BACH2: variants seen among roughly 807,000 people sequenced by gnomAD.
BACH2 encodes the protein BACH transcriptional regulator 2, also known as transcription regulator protein BACH2.
A neutral mutation model predicts 61.8 loss-of-function variants in BACH2; 5 were observed. The observed-to-expected ratio is 0.08, with a 90% CI of 0.04 to 0.17. The LOEUF is 0.17. Ranked by LOEUF, BACH2 falls within the 10% of genes least tolerant of loss-of-function variation. The pLI, the probability that BACH2 is intolerant of heterozygous loss-of-function variation, is 1.00. For synonymous variants in BACH2, 446 were observed against 440.1 expected, an observed-to-expected ratio of 1.01 and a Z score of -0.17; for missense variants, 824 against 1,091.1, an observed-to-expected ratio of 0.76 and a Z score of 3.45.
intron 5 of BACH2, among the ~76,000 whole-genome samples, chr6:90,029,837 T>A (rs1252066236): frequency 3.3e-5 from 5 of 152,092 alleles, no homozygotes; most frequent in Admixed American, 3.3e-4. Flanking sequence ...CACAGAAAAC[T>A]TACTCCATTC....
intron 5 of BACH2, among the ~76,000 whole-genome samples, chr6:90,066,427 G>C (rs558128221): frequency 1.1e-4 from 16 of 152,134 alleles, no homozygotes; most frequent in Non-Finnish European, 1.9e-4. Flanking sequence ...TATGTTACTG[G>C]AATATGTGAC....
chr6:90,289,332 C>T lies in BACH2; in HGVS notation c.-446+7148G>A, dbSNP rs144853941. 4.0e-3 allele frequency among the ~76,000 whole-genome samples: 612 copies of T among 152,264 alleles called. 4 individuals are homozygous for T. Among genetic ancestry groups the T allele is most frequent in the African/African-American group, 0.013 (557 of 41,542 alleles). ...CATTAGCTGAGCGACACCTATGCTG[C>T]GGCTTCTAGTGATCACACCTAGCCC... On this transcript the variant is annotated intron_variant, in intron 1 of 8. Transcript: ENST00000257749.
intron 4 of BACH2, among the ~76,000 whole-genome samples, chr6:90,108,903 CTA>C (rs758156024): frequency 7.2e-5 from 11 of 152,182 alleles, no homozygotes; most frequent in African/African-American, 1.4e-4. Flanking sequence ...GAATCAATCA[CTA>C]TTCTTGAGCT....
chr6:90,083,491 C>A (rs187066755), intron 5 of BACH2, among the ~76,000 whole-genome samples: 38 of 152,158 alleles, frequency 2.5e-4, no homozygotes, highest in African/African-American at 9.2e-4. Context: ...TGGAATATTA[C>A]AAATAATCAT....
intron 6 of BACH2, among the ~76,000 whole-genome samples, chr6:89,956,631 T>G (rs532402198): frequency 1.3e-5 from 2 of 152,256 alleles, no homozygotes; most frequent in South Asian, 2.1e-4. Flanking sequence ...AGCTCAGTGT[T>G]TTGGGGAGCT....
chr6:90,037,196 C>A (rs977309889), intron 5 of BACH2, among the ~76,000 whole-genome samples: 1 of 152,174 alleles, frequency 6.6e-6, no homozygotes, highest in Non-Finnish European at 1.5e-5. Context: ...CTTGCTGACT[C>A]TTCAATAGTA....
intron 4 of BACH2, among the ~76,000 whole-genome samples, chr6:90,130,245 C>T (rs1055158695): frequency 4.6e-5 from 7 of 152,184 alleles, no homozygotes; most frequent in South Asian, 2.1e-4. Context: ...AGTGAGAAGT[C>T]GTAAGACATC....
intron 5 of BACH2, among the ~76,000 whole-genome samples, chr6:90,030,260 C>T (rs1266277347): frequency 6.6e-6 from 1 of 152,104 alleles, no homozygotes; most frequent in Non-Finnish European, 1.5e-5. Context: ...ACACAGGACC[C>T]TCAATGGCAC....
chr6:90,258,683 T>A (rs888689828), intron 2 of BACH2, among the ~76,000 whole-genome samples: 1 of 152,228 alleles, frequency 6.6e-6, no homozygotes, highest in Non-Finnish European at 1.5e-5. Flanking sequence ...ATATTAATTC[T>A]TCTGATCCAT....
Position 90,069,843 on chromosome 6 carries a change from GAGA to G in BACH2, c.-13+19115_-13+19117del, listed in dbSNP as rs371163058. On this transcript the variant is annotated intron_variant, in intron 5 of 8. Coordinates refer to ENST00000257749, the MANE Select transcript of BACH2 (RefSeq NM_021813.4). ...GAGGAGGAAGGAAGAAGAAAAAGCA[GAGA>G]AGAAGACTCCATGCTAAGGTGACAG... 4.6e-4 allele frequency among the ~76,000 whole-genome samples: 70 copies of G among 152,270 alleles called. 2 individuals are homozygous for G. In the East Asian group the frequency reaches 7.9e-3, roughly 17 times the overall value.
intron 4 of BACH2, among the ~76,000 whole-genome samples, chr6:90,179,726 A>C (rs1768095722): frequency 6.6e-6 from 1 of 152,232 alleles, no homozygotes; most frequent in Non-Finnish European, 1.5e-5. Flanking sequence ...CTAAAATCTA[A>C]GGTATTATGA....
intron 3 of BACH2, among the ~76,000 whole-genome samples, chr6:90,233,198 C>CT (rs367768763): frequency 2.8e-4 from 42 of 152,090 alleles, no homozygotes; most frequent in Non-Finnish European, 4.7e-4. Context: ...GAGAAGCCAC[C>CT]TTTTTTTTAT....
Position 90,045,291 on chromosome 6 carries a change from T to C in BACH2, c.-12-36435A>G, listed in dbSNP as rs551498948. Among the ~76,000 whole-genome samples, 3 of 152,338 alleles carry C rather than the reference T, an allele frequency of 2.0e-5. No homozygotes were observed. In the East Asian group the frequency reaches 5.8e-4, roughly 29 times the overall value. ...GTGGAGCAGTTTCCACTGCTTGGCT[T>C]GTGTGCAAGGTGTGTCAGCCTACTT... On this transcript the variant is annotated intron_variant, in intron 5 of 8. Transcript: ENST00000257749.
rs781118999 is a variant in BACH2 at position 89,927,277 on chromosome 6, G to A, written c.*5131C>T. 2.6e-5 allele frequency: 4 copies of A among 152,770 alleles called. No individual in the cohort carries two copies. The East Asian group carries it at 5.6e-4, about 21-fold the overall frequency. 9.5% of individuals were successfully genotyped at this position (152,770 alleles called of 1,614,324 possible). A position where few individuals can be genotyped will look rare whatever the true frequency, so the allele number is the denominator to read the frequency against. ...ATGTCTTTATGTCAGAGCGTGAAAC[G>A]GGCATCCCAGGATTTGCACACACAA... On this transcript the variant is annotated 3_prime_UTR_variant, in exon 9 of 9. Coordinates refer to ENST00000257749, the MANE Select transcript of BACH2 (RefSeq NM_021813.4).
At chr6:90,097,825 A>G (rs1782442170) in intron 4 of BACH2, among the ~76,000 whole-genome samples, 1 of 152,246 alleles carries the variant, frequency 6.6e-6, no homozygotes, top group African/African-American at 2.4e-5. Context: ...ACAAGAGTGA[A>G]GGAAACAAAA....
rs530647186 is a variant in BACH2, at chr6:89,995,661, G to A, written c.243+12941C>T. ...CATTCACCTTAATGGCTTTGACCCC[G>A]AGTGATCACCTGTACCTGAATTTGT... is the stretch of plus-strand genomic sequence containing the variant. On this transcript the variant is annotated intron_variant, in intron 6 of 8. Coordinates refer to ENST00000257749, the MANE Select transcript of BACH2 (RefSeq NM_021813.4). 4.0e-4 allele frequency among the ~76,000 whole-genome samples: 61 copies of A among 152,184 alleles called. No individual in the cohort carries two copies. In the South Asian group the frequency reaches 0.011, roughly 29 times the overall value.
At chr6:89,940,961 A>G (rs1298606352) in intron 7 of BACH2, among the ~76,000 whole-genome samples, 2 of 152,068 alleles carry the variant, frequency 1.3e-5, no homozygotes, top group Non-Finnish European at 2.9e-5. Flanking sequence ...CACGTGCAGC[A>G]TGAGGCAAAT....
intron 3 of BACH2, among the ~76,000 whole-genome samples, chr6:90,213,012 A>G (rs544691366): frequency 6.6e-6 from 1 of 152,312 alleles, no homozygotes; most frequent in Admixed American, 6.5e-5. Flanking sequence ...GTCTCCAGTG[A>G]TTTAGGACTA....
intron 3 of BACH2, among the ~76,000 whole-genome samples, chr6:90,244,624 G>A (rs752565593): frequency 6.6e-5 from 10 of 152,238 alleles, no homozygotes; most frequent in Admixed American, 1.3e-4. Flanking sequence ...GCACACATGC[G>A]CACACACGCA....
Sources: gnomAD v4.1 joint callset for allele counts (sites outside exome capture counted in the v4.1 genomes callset) on GRCh38, gnomAD v4.1.1 for gene constraint, MANE v1.5 for transcripts, NCBI Gene and HGNC (gene_info 2026-07-23, HGNC 2026-07-21) for gene names.